The following ARHGAP15 variants were observed in gnomAD, a reference collection of about 807,000 sequenced individuals.
ARHGAP15 encodes the protein rho GTPase-activating protein 15.
ARHGAP15 carries 51 observed loss-of-function variants against 63.7 expected under a neutral mutation model. That is an observed-to-expected ratio of 0.80 (90% CI 0.64 to 1.01). The LOEUF is 1.01. ARHGAP15 is among the 50% of genes least tolerant of loss of function. The pLI is 0.00. For missense variants in ARHGAP15, 560 were observed against 564.6 expected, an observed-to-expected ratio of 0.99 and a Z score of 0.08; for synonymous variants, 191 against 193.8, an observed-to-expected ratio of 0.99 and a Z score of 0.12.
chr2:143,387,848 CACACGCATGGACGCACATACACAT>C lies in ARHGAP15; in HGVS notation c.475-47743_475-47720del, dbSNP rs573418092. On this transcript the variant is annotated intron_variant, in intron 6 of 13. Transcript: ENST00000295095. The stretch of plus-strand genomic sequence containing the variant: ...ACACACACACGCATGCAAGCACACA[CACACGCATGGACGCACATACACAT>C]ACACGCATGCGTGCACATACACATA... Among the ~76,000 whole-genome samples, 177 of 151,890 alleles carry C rather than the reference CACACGCATGGACGCACATACACAT, an allele frequency of 1.2e-3. 1 individual carries two copies. The highest frequency in any genetic ancestry group is 2.4e-3 in the Non-Finnish European group (160 of 67,910).
At chr2:143,575,941 T>A (rs1696663667) in intron 11 of ARHGAP15, among the ~76,000 whole-genome samples, 1 of 152,112 alleles carries the variant, frequency 6.6e-6, no homozygotes, top group Admixed American at 6.6e-5. Context: ...GAGAGTGGAA[T>A]ACTCAATTTA....
intron 3 of ARHGAP15, among the ~76,000 whole-genome samples, chr2:143,207,663 C>A (rs1327552742): frequency 6.6e-6 from 1 of 152,076 alleles, no homozygotes; most frequent in Non-Finnish European, 1.5e-5. Flanking sequence ...TTTTATCCAT[C>A]AATCTCTACT....
At chr2:143,217,227 T>C (rs1558820108) in intron 4 of ARHGAP15, among the ~76,000 whole-genome samples, 1 of 152,190 alleles carries the variant, frequency 6.6e-6, no homozygotes, top group South Asian at 2.1e-4. Context: ...CACATGTTAG[T>C]TGTATAATAC....
At chr2:143,338,967 A>G (rs1242820511) in intron 6 of ARHGAP15, among the ~76,000 whole-genome samples, 2 of 152,190 alleles carry the variant, frequency 1.3e-5, no homozygotes, top group African/African-American at 2.4e-5. Context: ...CATTCTAGAT[A>G]ATAGAAAACC....
intron 2 of ARHGAP15, among the ~76,000 whole-genome samples, chr2:143,192,409 C>T (rs889968865): frequency 6.6e-6 from 1 of 152,216 alleles, no homozygotes; most frequent in African/African-American, 2.4e-5. Context: ...AATTCAATCA[C>T]CCCTAAATAA....
intron 1 of ARHGAP15, among the ~76,000 whole-genome samples, chr2:143,153,395 A>C (rs1025917513): frequency 2.0e-5 from 3 of 151,976 alleles, no homozygotes; most frequent in Admixed American, 6.6e-5. Context: ...TACTTATTGA[A>C]AAAAACTCTT....
intron 6 of ARHGAP15, among the ~76,000 whole-genome samples, chr2:143,339,495 A>G (rs912773537): frequency 2.6e-5 from 4 of 152,166 alleles, no homozygotes; most frequent in Admixed American, 6.6e-5. Context: ...AAGCAAACCT[A>G]CAAAAAGAGA....
chr2:143,618,106 G>C (rs1194811680), intron 11 of ARHGAP15, among the ~76,000 whole-genome samples: 2 of 152,180 alleles, frequency 1.3e-5, no homozygotes, highest in African/African-American at 4.8e-5. Flanking sequence ...CCGTGTTTGA[G>C]AATGCAGAAC....
intron 10 of ARHGAP15, among the ~76,000 whole-genome samples, chr2:143,528,450 G>T (rs1346603483): frequency 6.6e-6 from 1 of 151,978 alleles, no homozygotes; most frequent in African/African-American, 2.4e-5. Context: ...AGTTGATAGA[G>T]ACTGTCCAAT....
chr2:143,217,258 C>G (rs1692792810), intron 4 of ARHGAP15, among the ~76,000 whole-genome samples: 1 of 152,176 alleles, frequency 6.6e-6, no homozygotes, highest in East Asian at 1.9e-4. Context: ...TAGAATGACA[C>G]TCTGGGTCAA....
intron 6 of ARHGAP15, among the ~76,000 whole-genome samples, chr2:143,430,340 T>C: frequency 6.6e-6 from 1 of 152,072 alleles, no homozygotes. Flanking sequence ...TTAGTTTTAT[T>C]TTAACTTTGC....
At position 143,208,559 on chromosome 2, in the gene ARHGAP15, A is replaced by G. The variant is rs2105127773; in HGVS notation, c.234+6357A>G. Among the ~76,000 whole-genome samples, 2 of 152,314 alleles carry G rather than the reference A, an allele frequency of 1.3e-5. 1 individual carries two copies. The highest frequency in any genetic ancestry group is 4.8e-5 in the African/African-American group (2 of 41,580). On this transcript the variant is annotated intron_variant, in intron 3 of 13. Transcript: ENST00000295095. ...ACTGACAGATGATGTTATTTATGCC[A>G]CATGTATGTAAATCCATAGGGTTTC...
intron 12 of ARHGAP15, among the ~76,000 whole-genome samples, chr2:143,684,618 A>G (rs1683245262): frequency 6.6e-6 from 1 of 152,222 alleles, no homozygotes; most frequent in African/African-American, 2.4e-5. Flanking sequence ...AGAATGGAAG[A>G]TCAAAAAACC....
At chr2:143,428,987 A>G (rs1689258287) in intron 6 of ARHGAP15, among the ~76,000 whole-genome samples, 1 of 152,064 alleles carries the variant, frequency 6.6e-6, no homozygotes, top group Non-Finnish European at 1.5e-5. Context: ...AAAAATTAAG[A>G]GCAATAAAAG....
intron 2 of ARHGAP15, among the ~76,000 whole-genome samples, chr2:143,195,211 C>A (rs1320516505): frequency 1.3e-5 from 2 of 151,342 alleles, no homozygotes; most frequent in East Asian, 3.9e-4. Flanking sequence ...GGGAAGAGCC[C>A]CCCTCCCAAA....
At chr2:143,315,915 T>C (rs1325223785) in intron 6 of ARHGAP15, among the ~76,000 whole-genome samples, 4 of 151,890 alleles carry the variant, frequency 2.6e-5, no homozygotes. Flanking sequence ...TGAAACTGCG[T>C]CTGTACTAAA....
intron 2 of ARHGAP15, among the ~76,000 whole-genome samples, chr2:143,193,083 C>T (rs1691739991): frequency 6.6e-6 from 1 of 152,152 alleles, no homozygotes; most frequent in African/African-American, 2.4e-5. Context: ...TGTACAAGGC[C>T]ACATGTGTCC....
chr2:143,736,740 C>G (rs943746016), intron 13 of ARHGAP15, among the ~76,000 whole-genome samples: 2 of 152,142 alleles, frequency 1.3e-5, no homozygotes, highest in Non-Finnish European at 2.9e-5. Context: ...TTACACAATG[C>G]CTGGCACACA....
intron 10 of ARHGAP15, among the ~76,000 whole-genome samples, chr2:143,547,934 A>G (rs1353089608): frequency 2.0e-5 from 3 of 152,026 alleles, no homozygotes; most frequent in South Asian, 2.1e-4. Context: ...CACAATCCCC[A>G]AACTCTATTG....
Sources: allele counts gnomAD v4.1 joint callset (sites outside exome capture counted in the v4.1 genomes callset), GRCh38; gene constraint gnomAD v4.1.1; transcripts MANE v1.5; gene names NCBI Gene and HGNC (gene_info 2026-07-23, HGNC 2026-07-21).